Variants in DYNLT5 observed in about 807,000 individuals in gnomAD.
DYNLT5 encodes the protein dynein light chain Tctex-type family member 5.
A neutral mutation model predicts 19.3 loss-of-function variants in DYNLT5; 25 were observed. That is an observed-to-expected ratio of 1.30 (90% CI 0.95 to 1.81). DYNLT5 has a LOEUF of 1.81. Ranked by LOEUF, DYNLT5 falls within the 40% of genes most tolerant of loss-of-function variation. The pLI, the probability that DYNLT5 is intolerant of heterozygous loss-of-function variation, is 0.00. For missense variants in DYNLT5, 232 were observed against 217.9 expected, an observed-to-expected ratio of 1.06 and a Z score of -0.41; for synonymous variants, 82 against 68.9, an observed-to-expected ratio of 1.19 and a Z score of -0.94.
intron 2 of DYNLT5, among the ~76,000 whole-genome samples, 192 bp from the exon 3 acceptor site, chr1:66,770,195 T>C (rs1199361282): frequency 6.6e-6 from 1 of 152,206 alleles, no homozygotes; most frequent in Non-Finnish European, 1.5e-5. Flanking sequence ...TCCAAATAAT[T>C]CCTCTGCATC....
intron 3 of DYNLT5, among the ~76,000 whole-genome samples, chr1:66,772,665 CAAT>C (rs1183733204): frequency 3.9e-5 from 6 of 152,078 alleles, no homozygotes; most frequent in Non-Finnish European, 8.8e-5. Flanking sequence ...TCATTCCATT[CAAT>C]AATGTTTGCC....
chr1:66,766,720 A>G (rs1004029313), intron 2 of DYNLT5, among the ~76,000 whole-genome samples: 8 of 152,008 alleles, frequency 5.3e-5, no homozygotes, highest in African/African-American at 1.9e-4. Flanking sequence ...TTTCTAACCC[A>G]TTTCATTCTA....
In DYNLT5 at chr1:66,770,441, T is replaced by C. The variant is rs760275204; in HGVS notation, c.174T>C (p.Ser58=). The change falls in exon 3 of 5, where the codon TCT becomes TCC. Residue 58 remains serine, a synonymous_variant. Transcript: ENST00000282670. ...MEEPSQRDDI[S]RLTVQMENTY... ...AACCCAGTCAGCGTGATGATATCTC[T>C]CGCCTTACAGTTCAGATGGAAAACA... The C allele has an allele frequency of 6.2e-7, 1 of 1,613,412 alleles. No homozygotes were observed. Among genetic ancestry groups the C allele is most frequent in the South Asian group, 1.1e-5 (1 of 91,074 alleles).
chr1:66,754,277 G>A (rs1391556795), intron 1 of DYNLT5, among the ~76,000 whole-genome samples: 1 of 152,132 alleles, frequency 6.6e-6, no homozygotes, highest in Non-Finnish European at 1.5e-5. Flanking sequence ...ATATTAATTA[G>A]CAAAGTTGTA....
At position 66,778,011 on chromosome 1, in the gene DYNLT5, A is replaced by C. The variant is rs1645246885; in HGVS notation, c.*557A>C. 6.5e-6 allele frequency: 1 copy of C among 152,764 alleles called. No individual in the cohort carries two copies. The highest frequency in any genetic ancestry group is 1.5e-5 in the Non-Finnish European group (1 of 68,108). The allele number at this position is 152,764 out of a possible 1,614,324, so 9.5% of individuals were successfully genotyped here. A position where few individuals can be genotyped will look rare whatever the true frequency, so the allele number is the denominator to read the frequency against. On this transcript the variant is annotated 3_prime_UTR_variant, in exon 5 of 5. Coordinates refer to ENST00000282670, the MANE Select transcript of DYNLT5 (RefSeq NM_152665.3). ...CTGCTGAGGTAGAATTAATGGCTTCATAACAATTATCGTGGTCCCACGGGC... is the reference window on the plus strand; with the variant it reads ...CTGCTGAGGTAGAATTAATGGCTTCCTAACAATTATCGTGGTCCCACGGGC...
intron 3 of DYNLT5, among the ~76,000 whole-genome samples, chr1:66,771,908 C>T (rs1218323640): frequency 6.6e-6 from 1 of 152,148 alleles, no homozygotes; most frequent in African/African-American, 2.4e-5. Context: ...GTATGAACCA[C>T]ATTAGAAAAG....
chr1:66,771,095 TC>T (rs1178334294), intron 3 of DYNLT5, among the ~76,000 whole-genome samples: 1 of 152,204 alleles, frequency 6.6e-6, no homozygotes, highest in Non-Finnish European at 1.5e-5. Flanking sequence ...ATATGGAAAT[TC>T]CACAGAGATT....
At chr1:66,756,947 C>T (rs192576215) in intron 2 of DYNLT5, among the ~76,000 whole-genome samples, 79 of 152,346 alleles carry the variant, frequency 5.2e-4, no homozygotes, top group African/African-American at 1.8e-3. Context: ...TCACTTCTTC[C>T]ATCAGAATTT....
intron 2 of DYNLT5, among the ~76,000 whole-genome samples, chr1:66,768,431 G>A (rs1645181863): frequency 6.6e-6 from 1 of 152,080 alleles, no homozygotes; most frequent in African/African-American, 2.4e-5. Context: ...AAATAAAAGG[G>A]CACTGAACAA....
chr1:66,754,603 T>A, intron 1 of DYNLT5, 53 bp from the exon 2 acceptor site: 1 of 1,549,570 alleles, frequency 6.5e-7, no homozygotes, highest in Non-Finnish European at 8.7e-7. Flanking sequence ...TTATACTAAC[T>A]AAAATGTTTC....
intron 1 of DYNLT5, among the ~76,000 whole-genome samples, chr1:66,754,405 G>A (rs1403471426): frequency 6.6e-6 from 1 of 152,114 alleles, no homozygotes; most frequent in Admixed American, 6.5e-5. Flanking sequence ...AAGCATTTTT[G>A]CTATAGCTTA....
At chr1:66,756,303 A>T (rs1255140542) in intron 2 of DYNLT5, among the ~76,000 whole-genome samples, 2 of 152,164 alleles carry the variant, frequency 1.3e-5, no homozygotes, top group Non-Finnish European at 2.9e-5. Flanking sequence ...TCCCCTTGCA[A>T]TGCAGACTAT....
At chr1:66,758,872 G>A (rs2094640929) in intron 2 of DYNLT5, among the ~76,000 whole-genome samples, 1 of 152,094 alleles carries the variant, frequency 6.6e-6, no homozygotes, top group Non-Finnish European at 1.5e-5. Context: ...ATTGAAAATG[G>A]TGCTGCCAGA....
Position 66,766,880 on chromosome 1 carries a change from A to ATTTTACCTC in DYNLT5, c.120-3506_120-3505insTTTACCTCT, listed in dbSNP as rs1315556690. 4.6e-5 allele frequency among the ~76,000 whole-genome samples: 7 copies of ATTTTACCTC among 152,322 alleles called. No individual in the cohort carries two copies. In the East Asian group the frequency reaches 1.3e-3, roughly 29 times the overall value. The stretch of plus-strand genomic sequence containing the variant: ...AATAGACTAATTATTTTACCTCTGC[A>ATTTTACCTC]TGATAAGAATTTCCAGGCTTCACAT... On this transcript the variant is annotated intron_variant, in intron 2 of 4. Transcript: ENST00000282670.
intron 2 of DYNLT5, among the ~76,000 whole-genome samples, chr1:66,757,820 G>A (rs532564): frequency 0.37 from 56,542 of 151,920 alleles, 11,940 homozygotes; most frequent in Non-Finnish European, 0.48. Context: ...TTTGCAGCAT[G>A]TAAAAATAAC....
At chr1:66,754,897 T>C in intron 2 of DYNLT5, 120 bp downstream of exon 2, 1 of 1,062,136 alleles carries the variant, frequency 9.4e-7, no homozygotes, top group Non-Finnish European at 1.3e-6. Context: ...AAGTACAAGG[T>C]GCAGGTCATC....
intron 2 of DYNLT5, among the ~76,000 whole-genome samples, chr1:66,770,082 T>C (rs1424748782): frequency 6.6e-6 from 1 of 152,322 alleles, no homozygotes; most frequent in Non-Finnish European, 1.5e-5. Context: ...TTTTGAAGTA[T>C]GTACTGTTAC....
chr1:66,774,771 A>AGGGGT (rs1645225054), intron 3 of DYNLT5, among the ~76,000 whole-genome samples: 1 of 120,330 alleles, frequency 8.3e-6, no homozygotes, highest in Non-Finnish European at 1.8e-5. Context: ...TTGGGGTGGG[A>AGGGGT]GGGGTGGGCT....
intron 3 of DYNLT5, among the ~76,000 whole-genome samples, chr1:66,771,981 G>T (rs931500377): frequency 1.1e-4 from 16 of 152,084 alleles, no homozygotes; most frequent in Non-Finnish European, 2.1e-4. Flanking sequence ...TAGTCTATGT[G>T]AATTTTTTAA....
Sources: allele counts gnomAD v4.1 joint callset (sites outside exome capture counted in the v4.1 genomes callset), GRCh38; gene constraint gnomAD v4.1.1; transcripts MANE v1.5; gene names NCBI Gene and HGNC (gene_info 2026-07-23, HGNC 2026-07-21).